PDS5B: variants seen among roughly 807,000 people sequenced by gnomAD.
PDS5B encodes the protein PDS5 cohesin associated factor B.
A neutral mutation model predicts 184.1 loss-of-function variants in PDS5B; 51 were observed. That is an observed-to-expected ratio of 0.28 (90% CI 0.22 to 0.35). PDS5B has a LOEUF of 0.35. PDS5B is among the 10% of genes least tolerant of loss of function. PDS5B has a pLI of 1.00. For missense variants in PDS5B, 1,180 were observed against 1,723.3 expected, an observed-to-expected ratio of 0.68 and a Z score of 5.58; for synonymous variants, 566 against 569.2, an observed-to-expected ratio of 0.99 and a Z score of 0.08.
intron 10 of PDS5B, among the ~76,000 whole-genome samples, chr13:32,681,460 T>TA (rs1260454475): frequency 6.6e-6 from 1 of 152,022 alleles, no homozygotes; most frequent in East Asian, 1.9e-4. Flanking sequence ...CCACCTCTAC[T>TA]AAAAAATACA....
chr13:32,651,749 A>G (rs1347904074), intron 2 of PDS5B, 55 bp from the exon 3 acceptor site: 2 of 1,053,996 alleles, frequency 1.9e-6, no homozygotes, highest in South Asian at 1.4e-5. Context: ...TTTATTTCAC[A>G]TGACTGTAGT....
chr13:32,750,434 A>T (rs1438239099), intron 24 of PDS5B, among the ~76,000 whole-genome samples: 1 of 152,154 alleles, frequency 6.6e-6, no homozygotes, highest in African/African-American at 2.4e-5. Flanking sequence ...TGTGGGACTG[A>T]TACTGAGGGC....
chr13:32,637,548 T>A (rs1332581792), intron 1 of PDS5B, among the ~76,000 whole-genome samples: 1 of 152,028 alleles, frequency 6.6e-6, no homozygotes, highest in Non-Finnish European at 1.5e-5. Flanking sequence ...AAAAGAGAGA[T>A]CTTTATGGAG....
intron 2 of PDS5B, among the ~76,000 whole-genome samples, chr13:32,651,585 G>C (rs1950367796): frequency 6.6e-6 from 1 of 152,148 alleles, no homozygotes; most frequent in South Asian, 2.1e-4. Context: ...CTGGTTAGCA[G>C]ATATTTTGGG....
At chr13:32,640,686 T>A (rs888026903) in intron 1 of PDS5B, among the ~76,000 whole-genome samples, 5 of 152,138 alleles carry the variant, frequency 3.3e-5, no homozygotes, top group Non-Finnish European at 7.4e-5. Context: ...AGAAGGGAAA[T>A]TCTAGGTTAT....
Position 32,722,565 on chromosome 13 carries a change from G to C in PDS5B, c.2124-9536G>C, listed in dbSNP as rs546287806. On this transcript the variant is annotated intron_variant, in intron 19 of 34. Transcript: ENST00000315596. Reference sequence around the variant, plus strand: ...GGCTATACCATCTAGGTTTATGTAAGTTTACTCTATGATGTTCTCACAACA... The same window carrying C: ...GGCTATACCATCTAGGTTTATGTAACTTTACTCTATGATGTTCTCACAACA... Among the ~76,000 whole-genome samples the C allele has an allele frequency of 1.2e-4, 19 of 152,152 alleles. No individual in the cohort carries two copies. The South Asian group carries it at 3.9e-3, about 32-fold the overall frequency.
At chr13:32,653,944 C>T (rs1406142593) in intron 3 of PDS5B, among the ~76,000 whole-genome samples, 1 of 152,084 alleles carries the variant, frequency 6.6e-6, no homozygotes, top group Non-Finnish European at 1.5e-5. Context: ...TATTTCAGGG[C>T]TTTGGGGGTA....
chr13:32,626,039 C>T (rs1036400580), intron 1 of PDS5B, among the ~76,000 whole-genome samples: 6 of 152,038 alleles, frequency 3.9e-5, no homozygotes, highest in Non-Finnish European at 8.8e-5. Context: ...GGGGTTTTGC[C>T]ATGTTGGCCA....
At position 32,658,040 on chromosome 13, in the gene PDS5B, A is replaced by G. The variant is rs375136037; in HGVS notation, c.313-199A>G. Among the ~76,000 whole-genome samples the G allele has an allele frequency of 4.1e-3, 630 of 152,284 alleles. 3 individuals are homozygous for G. The highest frequency in any genetic ancestry group is 5.9e-3 in the Non-Finnish European group (398 of 67,994). On this transcript the variant is annotated intron_variant, in intron 3 of 34. Coordinates refer to ENST00000315596, the MANE Select transcript of PDS5B (RefSeq NM_015032.4). The stretch of plus-strand genomic sequence containing the variant: ...ATGGCAAATGATTTACTGTTTTCCT[A>G]TGAAGGATAGTAAGATATTTAATGT...
At chr13:32,640,790 C>T (rs934493429) in intron 1 of PDS5B, among the ~76,000 whole-genome samples, 1 of 149,114 alleles carries the variant, frequency 6.7e-6, no homozygotes, top group Non-Finnish European at 1.5e-5. Flanking sequence ...TGTGGTGGCT[C>T]ACGCCTGTAA....
intron 1 of PDS5B, among the ~76,000 whole-genome samples, chr13:32,632,880 G>C (rs528467975): frequency 6.6e-6 from 1 of 152,042 alleles, no homozygotes; most frequent in South Asian, 2.1e-4. Context: ...GAGGCAGGCG[G>C]ATCTTGAGGT....
At position 32,760,311 on chromosome 13, in the gene PDS5B, G is replaced by C. The variant is rs576420584; in HGVS notation, c.3373-264G>C. On this transcript the variant is annotated intron_variant, in intron 29 of 34. Coordinates refer to ENST00000315596, the MANE Select transcript of PDS5B (RefSeq NM_015032.4). Reference sequence around the variant, plus strand: ...AAGAGTCTAATTATCTATTTTCATTGTTGATTATTCATTTCATTTGTTCTC... The same window carrying C: ...AAGAGTCTAATTATCTATTTTCATTCTTGATTATTCATTTCATTTGTTCTC... 5.9e-5 allele frequency among the ~76,000 whole-genome samples: 9 copies of C among 152,246 alleles called. No individual in the cohort carries two copies. The South Asian group carries it at 1.4e-3, about 25-fold the overall frequency.
intron 6 of PDS5B, among the ~76,000 whole-genome samples, chr13:32,665,182 G>A (rs1950751214): frequency 6.6e-6 from 1 of 152,144 alleles, no homozygotes; most frequent in Non-Finnish European, 1.5e-5. Flanking sequence ...GGACAGTTTA[G>A]CACTTATATG....
At chr13:32,614,660 A>G (rs988673982) in intron 1 of PDS5B, among the ~76,000 whole-genome samples, 1 of 152,186 alleles carries the variant, frequency 6.6e-6, no homozygotes, top group Non-Finnish European at 1.5e-5. Flanking sequence ...TTAATTTCTT[A>G]TGATGTATGA....
intron 1 of PDS5B, among the ~76,000 whole-genome samples, chr13:32,630,092 T>C (rs2140567857): frequency 6.6e-6 from 1 of 152,356 alleles, no homozygotes; most frequent in African/African-American, 2.4e-5. Context: ...CTTGAGATAT[T>C]AGAAGCAGTG....
chr13:32,605,388 G>A (rs1340092930), intron 1 of PDS5B, among the ~76,000 whole-genome samples: 2 of 152,310 alleles, frequency 1.3e-5, no homozygotes, highest in East Asian at 3.9e-4. Flanking sequence ...GGTTTTGAGT[G>A]AGTTTCTTAA....
chr13:32,717,703 T>TAAAAAAAAAAAAAAAAAAAAAAA (rs1952512501), intron 19 of PDS5B, among the ~76,000 whole-genome samples: 1 of 107,488 alleles, frequency 9.3e-6, no homozygotes. Context: ...AAAAAAAAAA[T>TAAAAAAAAAAAAAAAAAAAAAAA]AAATAAATCA....
At chr13:32,612,337 G>A (rs912058868) in intron 1 of PDS5B, among the ~76,000 whole-genome samples, 1 of 151,968 alleles carries the variant, frequency 6.6e-6, no homozygotes, top group African/African-American at 2.4e-5. Flanking sequence ...CAAAGTGCTG[G>A]GATTACAGAC....
intron 24 of PDS5B, among the ~76,000 whole-genome samples, chr13:32,746,386 A>G (rs190364111): frequency 6.6e-6 from 1 of 152,318 alleles, no homozygotes; most frequent in Admixed American, 6.5e-5. Context: ...AACTCACAGA[A>G]TAGATTCCTT....
Sources: gnomAD v4.1 joint callset for allele counts (sites outside exome capture counted in the v4.1 genomes callset) on GRCh38, gnomAD v4.1.1 for gene constraint, MANE v1.5 for transcripts, NCBI Gene and HGNC (gene_info 2026-07-23, HGNC 2026-07-21) for gene names.